DNM1L: variants seen among roughly 807,000 people sequenced by gnomAD.
The protein encoded by DNM1L is dynamin-1-like protein.
A neutral mutation model predicts 92.8 loss-of-function variants in DNM1L; 33 were observed. The ratio of observed to expected loss-of-function variants is 0.36; its 90% confidence interval spans 0.27 to 0.48. The LOEUF is 0.48. DNM1L is among the 20% of genes least tolerant of loss of function. The pLI is 0.99. For synonymous variants in DNM1L, 284 were observed against 305.0 expected, an observed-to-expected ratio of 0.93 and a Z score of 0.72; for missense variants, 485 against 888.8, an observed-to-expected ratio of 0.55 and a Z score of 5.78.
rs1954991404 is a variant in DNM1L at position 32,737,727 on chromosome 12, A to ACAATCT, written c.1597-136_1597-131dup. On this transcript the variant is annotated intron_variant, in intron 14 of 19. Coordinates refer to ENST00000549701, the MANE Select transcript of DNM1L (RefSeq NM_012062.5). The stretch of plus-strand genomic sequence containing the variant: ...TGGTGAAGGAAATAAGGCAGAATAA[A>ACAATCT]CAATCTCCCATGATTATTTTCATCT... The ACAATCT allele has an allele frequency of 8.3e-6, 6 of 722,862 alleles. No homozygotes were observed. The South Asian group carries it at 9.4e-5, about 11-fold the overall frequency. 44.8% of individuals were successfully genotyped at this position (722,862 alleles called of 1,614,324 possible).
Position 32,722,344 on chromosome 12 carries a change from T to C in DNM1L, c.873-83T>C, listed in dbSNP as rs1257362598. 5.5e-6 allele frequency: 6 copies of C among 1,097,156 alleles called. No individual in the cohort carries two copies. The East Asian group carries it at 1.5e-4, about 27-fold the overall frequency. The allele number at this position is 1,097,156 out of a possible 1,614,324, so 68.0% of individuals were successfully genotyped here. A position where few individuals can be genotyped will look rare whatever the true frequency, so the allele number is the denominator to read the frequency against. ...CCAGGACAAATTATTTGATAGGTTTTCCCCATTGTAAAAATTTGACTTGTT... is the reference window on the plus strand; with the variant it reads ...CCAGGACAAATTATTTGATAGGTTTCCCCCATTGTAAAAATTTGACTTGTT... On this transcript the variant is annotated intron_variant, in intron 8 of 19. Transcript: ENST00000549701.
intron 1 of DNM1L, among the ~76,000 whole-genome samples, chr12:32,691,602 C>G (rs887719494): frequency 6.6e-6 from 1 of 152,088 alleles, no homozygotes; most frequent in Non-Finnish European, 1.5e-5. Flanking sequence ...AGTCACATTC[C>G]GAGGTACTGG....
At chr12:32,720,070 TGATACATAA>T (rs1479712460) in intron 7 of DNM1L, among the ~76,000 whole-genome samples, 1 of 152,216 alleles carries the variant, frequency 6.6e-6, no homozygotes, top group African/African-American at 2.4e-5. Context: ...TTTTACTGCC[TGATACATAA>T]GATCCATTCC....
intron 1 of DNM1L, among the ~76,000 whole-genome samples, chr12:32,696,151 A>G (rs573781104): frequency 4.6e-5 from 7 of 152,300 alleles, no homozygotes; most frequent in South Asian, 2.1e-4. Context: ...ATACTGAGAC[A>G]TAGTCTAGAA....
At chr12:32,684,236 A>G (rs1951909560) in intron 1 of DNM1L, among the ~76,000 whole-genome samples, 1 of 152,134 alleles carries the variant, frequency 6.6e-6, no homozygotes, top group Non-Finnish European at 1.5e-5. Context: ...TATAAGCCCC[A>G]CGTGGGTGAG....
chr12:32,705,751 T>G, intron 2 of DNM1L: 1 of 1,375,598 alleles, frequency 7.3e-7, no homozygotes, highest in East Asian at 2.3e-5. Flanking sequence ...TCTGCACATT[T>G]GAATTTTTAA....
At chr12:32,717,414 TTTTAA>T (rs1565517880) in intron 6 of DNM1L, among the ~76,000 whole-genome samples, 1 of 43,538 alleles carries the variant, frequency 2.3e-5, no homozygotes, top group Non-Finnish European at 3.8e-5. Context: ...ATAATATATA[TTTTAA>T]ATATATACTA....
rs1953854420 is a variant in DNM1L, at chr12:32,722,496, G to A, written c.942G>A (p.Gln314=). 1 of 1,613,298 alleles carries A rather than the reference G, an allele frequency of 6.2e-7. No individual in the cohort carries two copies. The highest frequency in any genetic ancestry group is 8.5e-7 in the Non-Finnish European group (1 of 1,180,000). The change falls in exon 9 of 20, where the codon CAG becomes CAA. Residue 314 remains glutamine (Q), a synonymous_variant. Transcript: ENST00000549701. ...LKTRINVLAA[Q]YQSLLNSYGE... is the part of the protein sequence containing the mutation. ...CAAGAATAAATGTTCTAGCTGCTCA[G>A]TATCAGTCTCTTCTAAATAGCTACG...
At chr12:32,713,627 G>A (rs559438914) in intron 6 of DNM1L, among the ~76,000 whole-genome samples, 11 of 151,990 alleles carry the variant, frequency 7.2e-5, no homozygotes, top group Admixed American at 2.0e-4. Context: ...TAATACGGTG[G>A]CTTTGCAAAA....
At chr12:32,718,189 C>T (rs961233457) in intron 6 of DNM1L, among the ~76,000 whole-genome samples, 4 of 145,608 alleles carry the variant, frequency 2.7e-5, no homozygotes, top group East Asian at 4.1e-4. Flanking sequence ...TCACCCAGGC[C>T]GAAGTGCAAT....
chr12:32,738,106 CAT>C, intron 15 of DNM1L, 156 bp from the exon 16 acceptor site: 4 of 1,058,816 alleles, frequency 3.8e-6, no homozygotes, highest in Non-Finnish European at 5.6e-6. Context: ...CAATGCAATG[CAT>C]AGTTTATATT....
intron 1 of DNM1L, among the ~76,000 whole-genome samples, chr12:32,700,155 C>G (rs1033859515): frequency 6.6e-6 from 1 of 151,984 alleles, no homozygotes; most frequent in African/African-American, 2.4e-5. Flanking sequence ...GAGTCTTGCT[C>G]TATGCCCAGG....
At chr12:32,680,659 G>T (rs1043770794) in intron 1 of DNM1L, among the ~76,000 whole-genome samples, 2 of 152,118 alleles carry the variant, frequency 1.3e-5, no homozygotes, top group African/African-American at 4.8e-5. Flanking sequence ...AACAATATTT[G>T]TAATGTTTGG....
At chr12:32,681,926 T>C (rs532831615) in intron 1 of DNM1L, among the ~76,000 whole-genome samples, 6 of 151,986 alleles carry the variant, frequency 3.9e-5, no homozygotes, top group African/African-American at 1.4e-4. Flanking sequence ...TCCAGGAGTT[T>C]GAGGCTGCAG....
At chr12:32,738,199 A>G in intron 15 of DNM1L, 65 bp from the exon 16 acceptor site, 2 of 1,581,410 alleles carry the variant, frequency 1.3e-6, no homozygotes, top group Non-Finnish European at 1.7e-6. Context: ...CACTTTTTGA[A>G]TTTCAACCCA....
intron 1 of DNM1L, chr12:32,692,831 G>A (rs1231242964): frequency 1.3e-5 from 2 of 152,212 alleles, no homozygotes; most frequent in Non-Finnish European, 2.9e-5. Flanking sequence ...CAGTCACAAA[G>A]TAGCTGTAAT....
intron 5 of DNM1L, among the ~76,000 whole-genome samples, chr12:32,712,964 A>G (rs543386765): frequency 1.3e-5 from 2 of 152,284 alleles, no homozygotes; most frequent in African/African-American, 2.4e-5. Context: ...TATCTAGCCA[A>G]TCAACATTGA....
chr12:32,685,040 C>T (rs368870896), intron 1 of DNM1L, among the ~76,000 whole-genome samples: 2 of 149,276 alleles, frequency 1.3e-5, no homozygotes, highest in East Asian at 4.0e-4. Context: ...CCCGGGTTTA[C>T]GCCGTTCTCC....
intron 6 of DNM1L, among the ~76,000 whole-genome samples, chr12:32,717,323 C>G (rs370882011): frequency 1.6e-5 from 1 of 62,276 alleles, no homozygotes; most frequent in East Asian, 3.6e-4. Context: ...TATATATACA[C>G]TATATATTTT....
Sources: gnomAD v4.1 joint callset for allele counts (sites outside exome capture counted in the v4.1 genomes callset) on GRCh38, gnomAD v4.1.1 for gene constraint, MANE v1.5 for transcripts, NCBI Gene and HGNC (gene_info 2026-07-23, HGNC 2026-07-21) for gene names.